Variants in PLXDC2 observed in about 807,000 individuals in gnomAD.
PLXDC2 encodes the protein plexin domain containing 2, also known as plexin domain-containing protein 2.
A neutral mutation model predicts 68.9 loss-of-function variants in PLXDC2; 40 were observed. The ratio of observed to expected loss-of-function variants is 0.58; its 90% confidence interval spans 0.45 to 0.76. PLXDC2 has a LOEUF of 0.76. PLXDC2 is among the 30% of genes least tolerant of loss of function. The pLI, the probability that PLXDC2 is intolerant of heterozygous loss-of-function variation, is 0.00. For synonymous variants in PLXDC2, 243 were observed against 234.2 expected (o/e 1.04, Z -0.34); for missense variants, 644 against 661.9 (o/e 0.97, Z 0.30).
chr10:20,168,956 G>A (rs1834410561), intron 7 of PLXDC2, among the ~76,000 whole-genome samples: 2 of 152,042 alleles, frequency 1.3e-5, no homozygotes, highest in African/African-American at 4.8e-5. Flanking sequence ...GCATTATGCT[G>A]TAAATTATTC....
chr10:20,169,576 C>T (rs1324672916), intron 7 of PLXDC2, among the ~76,000 whole-genome samples: 1 of 152,182 alleles, frequency 6.6e-6, no homozygotes. Context: ...GTTTCTCTCT[C>T]CTCCAATGTA....
At chr10:19,884,103 G>A (rs1269725623) in intron 1 of PLXDC2, among the ~76,000 whole-genome samples, 1 of 150,474 alleles carries the variant, frequency 6.6e-6, no homozygotes, top group Non-Finnish European at 1.5e-5. Context: ...TGCCATGTTG[G>A]CCAGGCTGGT....
intron 1 of PLXDC2, among the ~76,000 whole-genome samples, chr10:19,861,928 C>A (rs1423396156): frequency 6.6e-6 from 1 of 152,108 alleles, no homozygotes; most frequent in Non-Finnish European, 1.5e-5. Context: ...GTGGGCTACT[C>A]ACATTGATTA....
chr10:19,977,082 A>T (rs2182413), intron 1 of PLXDC2, among the ~76,000 whole-genome samples: 105,838 of 151,978 alleles, frequency 0.7, 37,234 homozygotes, highest in South Asian at 0.8. Context: ...TGCCTGTGTC[A>T]GTTGAGTCTC....
chr10:20,079,920 C>T (rs10764195), intron 4 of PLXDC2, among the ~76,000 whole-genome samples: 51,468 of 151,698 alleles, frequency 0.34, 9,940 homozygotes, highest in East Asian at 0.7. Context: ...CTGCACATTC[C>T]GCACATGTAT....
Position 20,271,337 on chromosome 10 carries a change from C to G in PLXDC2, c.1474-8366C>G, listed in dbSNP as rs1250574563. Among the ~76,000 whole-genome samples, 6 of 152,202 alleles carry G rather than the reference C, an allele frequency of 3.9e-5. No homozygotes were observed. In the East Asian group the frequency reaches 1.2e-3, roughly 29 times the overall value. Reference sequence around the variant, plus strand: ...GCAGTTTTAAAGCGGGGAGCAGGCACTGAGGGTGAAAAATGGTTTTGTACC... The same window carrying G: ...GCAGTTTTAAAGCGGGGAGCAGGCAGTGAGGGTGAAAAATGGTTTTGTACC... On this transcript the variant is annotated intron_variant, in intron 13 of 13. Coordinates refer to ENST00000377252, the MANE Select transcript of PLXDC2 (RefSeq NM_032812.9).
At chr10:20,084,023 C>T (rs10734030) in intron 4 of PLXDC2, among the ~76,000 whole-genome samples, 106,992 of 152,140 alleles carry the variant, frequency 0.7, 39,727 homozygotes, top group East Asian at 1. Flanking sequence ...AATGTTATAA[C>T]TACAAACTAA....
intron 4 of PLXDC2, among the ~76,000 whole-genome samples, chr10:20,137,346 A>G (rs545679569): frequency 6.6e-6 from 1 of 152,358 alleles, no homozygotes; most frequent in African/African-American, 2.4e-5. Context: ...AGGTTAGGTA[A>G]CTGAGGTACA....
At chr10:19,949,788 G>T (rs916133615) in intron 1 of PLXDC2, among the ~76,000 whole-genome samples, 1 of 152,152 alleles carries the variant, frequency 6.6e-6, no homozygotes, top group South Asian at 2.1e-4. Context: ...AAGTGAAAGT[G>T]TAGTTAGTAA....
chr10:20,261,536 A>G (rs1036864703), intron 13 of PLXDC2, among the ~76,000 whole-genome samples: 1 of 152,198 alleles, frequency 6.6e-6, no homozygotes, highest in Admixed American at 6.5e-5. Flanking sequence ...TTGGACATGG[A>G]ATCTCATGCA....
intron 4 of PLXDC2, among the ~76,000 whole-genome samples, chr10:20,099,365 C>T (rs1277412389): frequency 6.6e-6 from 1 of 152,030 alleles, no homozygotes; most frequent in Non-Finnish European, 1.5e-5. Flanking sequence ...GTGTTATGAC[C>T]ATATAAATAT....
chr10:20,122,254 C>A (rs368495473), intron 4 of PLXDC2, among the ~76,000 whole-genome samples: 208 of 152,188 alleles, frequency 1.4e-3, no homozygotes, highest in African/African-American at 4.8e-3. Context: ...CAATACGCAC[C>A]ACAGTTATGG....
chr10:19,956,690 G>C (rs903556395), intron 1 of PLXDC2, among the ~76,000 whole-genome samples: 3 of 152,206 alleles, frequency 2.0e-5, no homozygotes, highest in African/African-American at 7.2e-5. Flanking sequence ...GGCACAGACT[G>C]TATCTGTCTC....
intron 4 of PLXDC2, among the ~76,000 whole-genome samples, chr10:20,120,160 G>A (rs1448222801): frequency 6.6e-6 from 1 of 152,150 alleles, no homozygotes; most frequent in Non-Finnish European, 1.5e-5. Flanking sequence ...ACAGAAGATA[G>A]TAGGGATGAC....
At chr10:20,056,340 G>T (rs79539169) in intron 3 of PLXDC2, among the ~76,000 whole-genome samples, 1 of 152,096 alleles carries the variant, frequency 6.6e-6, no homozygotes, top group South Asian at 2.1e-4. Flanking sequence ...TGGCTGAATT[G>T]TATTTCTCTG....
At chr10:19,939,232 T>A (rs1221902346) in intron 1 of PLXDC2, among the ~76,000 whole-genome samples, 1 of 152,206 alleles carries the variant, frequency 6.6e-6, no homozygotes, top group East Asian at 1.9e-4. Flanking sequence ...GCTTCATAAA[T>A]TAATGAAACA....
intron 7 of PLXDC2, among the ~76,000 whole-genome samples, chr10:20,172,251 AG>A (rs1200098129): frequency 1.0e-4 from 11 of 108,022 alleles, no homozygotes; most frequent in African/African-American, 3.0e-4. Flanking sequence ...AAAAAAAAAG[AG>A]AGAGAGAGAT....
At chr10:20,095,939 C>A (rs1309336512) in intron 4 of PLXDC2, among the ~76,000 whole-genome samples, 1 of 152,140 alleles carries the variant, frequency 6.6e-6, no homozygotes, top group Admixed American at 6.5e-5. Flanking sequence ...ATAAATATTT[C>A]TCTTCTAAGA....
At chr10:19,822,966 A>T (rs1312082119) in intron 1 of PLXDC2, among the ~76,000 whole-genome samples, 2 of 151,512 alleles carry the variant, frequency 1.3e-5, no homozygotes, top group Non-Finnish European at 2.9e-5. Flanking sequence ...CCCAGTCTGG[A>T]GTGCAGTGGC....
Sources: allele counts gnomAD v4.1 joint callset (sites outside exome capture counted in the v4.1 genomes callset), GRCh38; gene constraint gnomAD v4.1.1; transcripts MANE v1.5; gene names NCBI Gene and HGNC (gene_info 2026-07-23, HGNC 2026-07-21).